The following FIG4 variants were observed in gnomAD, a reference collection of about 807,000 sequenced individuals.
FIG4 encodes FIG4 phosphoinositide 5-phosphatase, also known as polyphosphoinositide phosphatase.
FIG4 carries 112 observed loss-of-function variants against 118.6 expected under a neutral mutation model. The ratio of observed to expected loss-of-function variants is 0.94; its 90% CI spans 0.81 to 1.11. The LOEUF is 1.11. FIG4 is among the 50% of genes least tolerant of loss of function. The pLI is 0.00. For missense variants in FIG4, 969 were observed against 1,111.7 expected, an observed-to-expected ratio of 0.87 and a Z score of 1.83; for synonymous variants, 369 against 381.2, an observed-to-expected ratio of 0.97 and a Z score of 0.37.
At chr6:109,796,295 C>T (rs543707819) in intron 21 of FIG4, among the ~76,000 whole-genome samples, 33 of 152,310 alleles carry the variant, frequency 2.2e-4, no homozygotes, top group Non-Finnish European at 4.4e-4. Flanking sequence ...TTAGCAGTGT[C>T]CCTGCTTCAG....
chr6:109,753,010 T>G (rs1175429854), intron 10 of FIG4, among the ~76,000 whole-genome samples: 1 of 152,170 alleles, frequency 6.6e-6, no homozygotes, highest in African/African-American at 2.4e-5. Flanking sequence ...TGAATTAATT[T>G]TTGTATAAGG....
chr6:109,725,760 G>A (rs767367012), intron 3 of FIG4, among the ~76,000 whole-genome samples: 5 of 152,216 alleles, frequency 3.3e-5, no homozygotes, highest in Non-Finnish European at 5.9e-5. Flanking sequence ...TCCAGCATCT[G>A]TTGTTTCCTG....
chr6:109,819,188 A>G (rs1464969003), intron 22 of FIG4, among the ~76,000 whole-genome samples: 1 of 152,198 alleles, frequency 6.6e-6, no homozygotes, highest in Non-Finnish European at 1.5e-5. Context: ...CAGTGGTGGC[A>G]AAGGAAAATT....
At chr6:109,763,767 A>G (rs563607309) in intron 12 of FIG4, among the ~76,000 whole-genome samples, 170 bp from the exon 13 acceptor site, 3 of 152,310 alleles carry the variant, frequency 2.0e-5, no homozygotes, top group African/African-American at 7.2e-5. Context: ...TGCCTCAGTC[A>G]TTTGCATGTT....
chr6:109,786,203 A>T lies in FIG4; in HGVS notation c.1949-99A>T, dbSNP rs1053106842. On this transcript the variant is annotated intron_variant, in intron 17 of 22. Transcript: ENST00000230124. Reference sequence around the variant, plus strand: ...TCGGTCAGGGCTGTATCCCCCACAGAGCTTATCACAGTGCTGTCTGTGAAC... The same window carrying T: ...TCGGTCAGGGCTGTATCCCCCACAGTGCTTATCACAGTGCTGTCTGTGAAC... 1.3e-5 allele frequency: 14 copies of T among 1,053,058 alleles called. No homozygotes were observed. The African/African-American group carries it at 2.2e-4, about 17-fold the overall frequency. The allele number at this position is 1,053,058 out of a possible 1,614,324, so 65.2% of individuals were successfully genotyped here.
intron 22 of FIG4, among the ~76,000 whole-genome samples, chr6:109,801,802 A>C (rs1298942921): frequency 2.6e-5 from 4 of 152,182 alleles, no homozygotes; most frequent in Non-Finnish European, 5.9e-5. Context: ...TCATGATGTT[A>C]ATTTTCAATA....
intron 16 of FIG4, among the ~76,000 whole-genome samples, chr6:109,783,329 G>T (rs1777859244): frequency 6.6e-6 from 1 of 152,170 alleles, no homozygotes. Context: ...ATTAAAGACT[G>T]CATTGGCCCA....
chr6:109,793,944 CAGA>C (rs1388329425), intron 21 of FIG4, among the ~76,000 whole-genome samples: 127 of 152,296 alleles, frequency 8.3e-4, no homozygotes, highest in Non-Finnish European at 1.3e-4. Context: ...TCATGGCTGT[CAGA>C]ACTCTGTAGC....
intron 22 of FIG4, among the ~76,000 whole-genome samples, chr6:109,814,321 T>TG (rs34294833): frequency 6.6e-6 from 1 of 151,732 alleles, no homozygotes; most frequent in African/African-American, 2.4e-5. Context: ...TAATTTTTTT[T>TG]GTAGAGATGG....
At chr6:109,745,274 C>T (rs1776455582) in intron 10 of FIG4, among the ~76,000 whole-genome samples, 1 of 152,164 alleles carries the variant, frequency 6.6e-6, no homozygotes, top group Non-Finnish European at 1.5e-5. Context: ...TAAAAGCGTT[C>T]CTATTTTTCC....
At chr6:109,825,011 G>A in intron 22 of FIG4, 77 bp from the exon 23 acceptor site, 3 of 1,362,806 alleles carry the variant, frequency 2.2e-6, no homozygotes, top group Non-Finnish European at 2.1e-6. Flanking sequence ...CGACTCTCAA[G>A]TGCTTCTGAG....
chr6:109,818,745 A>C (rs1449543318), intron 22 of FIG4, among the ~76,000 whole-genome samples: 6 of 152,186 alleles, frequency 3.9e-5, no homozygotes, highest in Non-Finnish European at 2.9e-5. Context: ...TGCCCAACTC[A>C]AGAGCACATC....
At chr6:109,810,468 G>T (rs1266106630) in intron 22 of FIG4, among the ~76,000 whole-genome samples, 3 of 152,122 alleles carry the variant, frequency 2.0e-5, no homozygotes, top group African/African-American at 7.2e-5. Context: ...GGGATTGTCT[G>T]GTTCATTGGT....
At position 109,727,087 on chromosome 6, in the gene FIG4, CTCTT is replaced by C; in HGVS notation, c.290-20_290-17del. On this transcript the variant is annotated intron_variant, in intron 3 of 22. Transcript: ENST00000230124. ...ATTACTAAGTTTATAAAGCATATTT[CTCTT>C]TATTTTTTGTTGCATAGGTTTTGTC... 6.4e-7 allele frequency: 1 copy of C among 1,572,546 alleles called. No homozygotes were observed. Among genetic ancestry groups the C allele is most frequent in the Non-Finnish European group, 8.8e-7 (1 of 1,142,698 alleles).
At chr6:109,757,640 G>A (rs571679346) in intron 10 of FIG4, among the ~76,000 whole-genome samples, 2 of 152,132 alleles carry the variant, frequency 1.3e-5, no homozygotes, top group African/African-American at 4.8e-5. Flanking sequence ...AAGAAATAAG[G>A]GGTATTCAGA....
At chr6:109,795,108 T>G (rs1289938495) in intron 21 of FIG4, among the ~76,000 whole-genome samples, 28 of 32,408 alleles carry the variant, frequency 8.6e-4, no homozygotes, top group Non-Finnish European at 1.3e-3. Flanking sequence ...TTTTTTTTTT[T>G]TTTTTTTTTT....
chr6:109,778,486 A>T (rs1777687460), intron 16 of FIG4, among the ~76,000 whole-genome samples: 1 of 145,704 alleles, frequency 6.9e-6, no homozygotes, highest in African/African-American at 2.5e-5. Flanking sequence ...AAAAAAAAGG[A>T]TACCTACCAA....
In FIG4 at chr6:109,786,345, C is replaced by T; in HGVS notation, c.1992C>T (p.Phe664=). ...TAAAGAAGTTGATAGTGAAGAAATT[C>T]CACAAATATGAAGAAGAGATTGATA... is the stretch of plus-strand genomic sequence containing the variant. The part of the protein sequence containing the change: ...VNLKKLIVKK[F]HKYEEEIDIH... The change falls in exon 18 of 23, where the codon TTC becomes TTT. Residue 664 remains phenylalanine, a synonymous_variant. Transcript: ENST00000230124. The T allele has an allele frequency of 6.2e-7, 1 of 1,613,320 alleles. No homozygotes were observed. The highest frequency in any genetic ancestry group is 8.5e-7 in the Non-Finnish European group (1 of 1,179,328).
chr6:109,802,918 T>G (rs1296075893), intron 22 of FIG4, among the ~76,000 whole-genome samples: 1 of 152,202 alleles, frequency 6.6e-6, no homozygotes, highest in African/African-American at 2.4e-5. Context: ...TTGTTTTGTT[T>G]TTACAATTTA....
Sources: allele counts gnomAD v4.1 joint callset (sites outside exome capture counted in the v4.1 genomes callset), GRCh38; gene constraint gnomAD v4.1.1; transcripts MANE v1.5; gene names NCBI Gene and HGNC (gene_info 2026-07-23, HGNC 2026-07-21).